Variants in PER3 observed in about 807,000 individuals in gnomAD.
The protein encoded by PER3 is period circadian protein homolog 3.
In PER3, 107 loss-of-function variants were observed where a neutral mutation model predicts 127.2. That is an observed-to-expected ratio of 0.84 (90% CI 0.72 to 0.99). The LOEUF (loss-of-function observed/expected upper bound fraction) is 0.99. PER3 is among the 50% of genes least tolerant of loss of function. The pLI, the probability that PER3 is intolerant of heterozygous loss-of-function variation, is 0.00. For synonymous variants in PER3, 618 were observed against 585.8 expected (o/e 1.05, Z -0.79); for missense variants, 1,560 against 1,525.8 (o/e 1.02, Z -0.37).
At position 7,826,857 on chromosome 1, in the gene PER3, A is replaced by T. The variant is rs112301506; in HGVS notation, c.2188+147A>T. 3.1e-3 allele frequency: 1,969 copies of T among 635,412 alleles called. 24 individuals carry two copies. In the African/African-American group the frequency reaches 0.033, roughly 11 times the overall value. 39.4% of individuals were successfully genotyped at this position (635,412 alleles called of 1,614,324 possible). A position where few individuals can be genotyped will look rare whatever the true frequency, so the allele number is the denominator to read the frequency against. On this transcript the variant is annotated intron_variant, in intron 17 of 21. Coordinates refer to ENST00000377532, the MANE Select transcript of PER3 (RefSeq NM_001377275.1). The surrounding 1 kb of genome is among the most constrained non-coding windows in gnomAD (Gnocchi z 4.2). ...GCTGAAACAATCTATTTACATCAACAGTTTATGTAAGTTCTTTGTTAGATC... is the reference window on the plus strand; with the variant it reads ...GCTGAAACAATCTATTTACATCAACTGTTTATGTAAGTTCTTTGTTAGATC...
At position 7,829,030 on chromosome 1, in the gene PER3, T is replaced by TA. The variant is rs537648798; in HGVS notation, c.2887-803dup. The stretch of plus-strand genomic sequence containing the variant: ...ATTACTTACAAAGGAACTTATTTCT[T>TA]AGAGATAGGCTGGAACGTTTTTACT... On this transcript the variant is annotated intron_variant, in intron 18 of 21. Coordinates refer to ENST00000377532, the MANE Select transcript of PER3 (RefSeq NM_001377275.1). Among the ~76,000 whole-genome samples, 21 of 152,280 alleles carry TA rather than the reference T, an allele frequency of 1.4e-4. No individual in the cohort carries two copies. In the South Asian group the frequency reaches 2.1e-3, roughly 15 times the overall value.
At position 7,835,761 on chromosome 1, in the gene PER3, G is replaced by A. The variant is rs1254613319; in HGVS notation, c.3215-1G>A. 2 of 1,596,790 alleles carry A rather than the reference G, an allele frequency of 1.3e-6. No homozygotes were observed. The highest frequency in any genetic ancestry group is 1.1e-5 in the South Asian group (1 of 89,310). On this transcript the variant is annotated splice_acceptor_variant, in intron 19 of 21. Transcript: ENST00000377532. LOFTEE classifies it high-confidence loss of function. ...AATTATGTGTTGTTGATTTTTGACA[G>A]GAAGCAGCGACAGCAGTATATACCT... is the stretch of plus-strand genomic sequence containing the variant.
chr1:7,793,540 C>G lies in PER3; in HGVS notation c.593-417C>G, dbSNP rs6577457. On this transcript the variant is annotated intron_variant, in intron 5 of 21. Coordinates refer to ENST00000377532, the MANE Select transcript of PER3 (RefSeq NM_001377275.1). ...TAAAGAAAAAAAGAAAATTATATAT[C>G]GTATAGCTAAGAAGCTGAAAATAGT... Among the ~76,000 whole-genome samples the G allele has an allele frequency of 4.4e-3, 673 of 152,238 alleles. 5 individuals are homozygous for G. The highest frequency in any genetic ancestry group is 0.015 in the African/African-American group (616 of 41,552).
Position 7,826,727 on chromosome 1 carries a change from A to G in PER3, c.2188+17A>G, listed in dbSNP as rs573549679. 7.1e-7 allele frequency: 1 copy of G among 1,409,200 alleles called. No homozygotes were observed. The highest frequency in any genetic ancestry group is 1.4e-5 in the African/African-American group (1 of 70,762). The allele number at this position is 1,409,200 out of a possible 1,614,324, so 87.3% of individuals were successfully genotyped here. ...ATTTTCAAGGTACGTAATTTTTTAA[A>G]AATAAATGCCATTAATCTATGTAAA... On this transcript the variant is annotated intron_variant, in intron 17 of 21. Coordinates refer to ENST00000377532, the MANE Select transcript of PER3 (RefSeq NM_001377275.1). This position sits in a 1 kb window ranked among gnomAD's most constrained non-coding sequence, Gnocchi z 4.2.
intron 19 of PER3, among the ~76,000 whole-genome samples, chr1:7,830,866 G>C (rs188905139): frequency 1.3e-5 from 2 of 152,314 alleles, no homozygotes; most frequent in Admixed American, 1.3e-4. Context: ...ACACTCTTAA[G>C]TAATGTAACT....
Position 7,843,985 on chromosome 1 carries a change from G to T in PER3, c.*1230G>T. ...AGAAAAAACAAATAGAAGAAAATGAGGGTTACAGTAACCTGTTGTCTTTAT... is the reference window on the plus strand; with the variant it reads ...AGAAAAAACAAATAGAAGAAAATGATGGTTACAGTAACCTGTTGTCTTTAT... On this transcript the variant is annotated 3_prime_UTR_variant, in exon 22 of 22. Transcript: ENST00000377532. 7.9e-7 allele frequency: 1 copy of T among 1,258,418 alleles called. No homozygotes were observed. The highest frequency in any genetic ancestry group is 6.2e-5 in the East Asian group (1 of 16,056). The allele number at this position is 1,258,418 out of a possible 1,614,324, so 78.0% of individuals were successfully genotyped here. A position where few individuals can be genotyped will look rare whatever the true frequency, so the allele number is the denominator to read the frequency against.
intron 6 of PER3, among the ~76,000 whole-genome samples, chr1:7,795,462 T>C (rs1485856101): frequency 3.9e-5 from 6 of 152,116 alleles, no homozygotes; most frequent in African/African-American, 1.4e-4. Context: ...CAGGAACTCT[T>C]AGGAAGTCTA....
chr1:7,792,318 G>A (rs1014109711), intron 5 of PER3, among the ~76,000 whole-genome samples: 3 of 152,036 alleles, frequency 2.0e-5, no homozygotes, highest in African/African-American at 7.2e-5. Context: ...TCACGAGAAC[G>A]GGATGACGGC....
chr1:7,827,395 C>T lies in PER3; in HGVS notation c.2466C>T (p.Tyr822=), dbSNP rs760796148. 23 of 1,614,028 alleles carry T rather than the reference C, an allele frequency of 1.4e-5. No individual in the cohort carries two copies. In the South Asian group the frequency reaches 1.8e-4, roughly 12 times the overall value. ...LPAATSPGRE[Y]AAPGTAPEGL... ...CCGCGACCTCACCCGGAAGAGAATA[C>T]GCAGCCCCCGGAACTGCACCGGAAG... The change falls in exon 18 of 22, where the codon TAC becomes TAT. Residue 822 remains tyrosine, a synonymous_variant. Coordinates refer to ENST00000377532, the MANE Select transcript of PER3 (RefSeq NM_001377275.1).
chr1:7,829,781 G>C lies in PER3; in HGVS notation c.2887-53G>C, dbSNP rs75000054. The C allele has an allele frequency of 3.7e-4, 531 of 1,433,568 alleles. 9 individuals are homozygous for C. The East Asian group carries it at 8.6e-3, about 23-fold the overall frequency. 88.8% of individuals were successfully genotyped at this position (1,433,568 alleles called of 1,614,324 possible). ...AAACCATGAATAAAGGAGGACTACT[G>C]TATTTTGTGATAAGAAGATTAAAGT... is the stretch of plus-strand genomic sequence containing the variant. On this transcript the variant is annotated intron_variant, in intron 18 of 21. Coordinates refer to ENST00000377532, the MANE Select transcript of PER3 (RefSeq NM_001377275.1).
chr1:7,831,850 T>C (rs1050249800), intron 19 of PER3, among the ~76,000 whole-genome samples: 1 of 152,248 alleles, frequency 6.6e-6, no homozygotes, highest in Non-Finnish European at 1.5e-5. Context: ...CTTTCTTTAC[T>C]TGTAATGTCT....
chr1:7,786,742 TTCTC>T lies in PER3; in HGVS notation c.297_300del (p.Leu100ValfsTer10). The T allele has an allele frequency of 6.2e-7, 1 of 1,606,406 alleles. No homozygotes were observed. Among genetic ancestry groups the T allele is most frequent in the South Asian group, 1.1e-5 (1 of 90,918 alleles). Reference sequence around the variant, plus strand: ...TTAGCAAACAGTGAGTTTTTCCAGATTCTCAGTCAGAATGGAGCACCTCAGGCAG... The same window carrying T: ...TTAGCAAACAGTGAGTTTTTCCAGATAGTCAGAATGGAGCACCTCAGGCAG... On this transcript the variant is annotated frameshift_variant, in exon 4 of 22. Coordinates refer to ENST00000377532, the MANE Select transcript of PER3 (RefSeq NM_001377275.1). LOFTEE classifies it high-confidence loss of function.
chr1:7,787,769 G>A (rs1222607409), intron 4 of PER3: 5 of 440,982 alleles, frequency 1.1e-5, no homozygotes, highest in African/African-American at 1.0e-4. Flanking sequence ...AGTTTGCAGA[G>A]AAGTTATGTG....
chr1:7,830,122 C>A lies in PER3; in HGVS notation c.3175C>A (p.Pro1059Thr). The A allele has an allele frequency of 6.2e-7, 1 of 1,614,200 alleles. No homozygotes were observed. The highest frequency in any genetic ancestry group is 8.5e-7 in the Non-Finnish European group (1 of 1,180,014). ...TATVLSTGSP[P>T]SESPSRTGSA... Reference sequence around the variant, plus strand: ...CACTGTTCTGTCCACGGGGTCACCTCCCAGCGAATCCCCATCCAGAACTGG... The same window carrying A: ...CACTGTTCTGTCCACGGGGTCACCTACCAGCGAATCCCCATCCAGAACTGG... The change falls in exon 19 of 22, where the codon CCC (proline) becomes ACC (threonine). Residue 1059 changes from proline (P) to threonine (T), a missense_variant. By Grantham distance (38) the Pro-to-Thr change is conservative. Coordinates refer to ENST00000377532, the MANE Select transcript of PER3 (RefSeq NM_001377275.1).
At position 7,826,627 on chromosome 1, in the gene PER3, TC is replaced by T; in HGVS notation, c.2107del (p.Arg703GlufsTer154). 1.2e-6 allele frequency: 2 copies of T among 1,613,706 alleles called. No homozygotes were observed. The highest frequency in any genetic ancestry group is 1.7e-6 in the Non-Finnish European group (2 of 1,179,694). On this transcript the variant is annotated frameshift_variant, in exon 17 of 22. Coordinates refer to ENST00000377532, the MANE Select transcript of PER3 (RefSeq NM_001377275.1). LOFTEE classifies it high-confidence loss of function. The surrounding 1 kb of genome is among the most constrained non-coding windows in gnomAD (Gnocchi z 4.2). ...QKEEQNYVDK[F>X]REKILSSPYS... is the part of the protein sequence containing the mutation. The stretch of plus-strand genomic sequence containing the variant: ...GAAGAGCAGAATTATGTTGATAAAT[TC>T]CGAGAAAAGATCCTGTCATCACCCT...
Position 7,825,742 on chromosome 1 carries a change from T to C in PER3, c.1958-738T>C, listed in dbSNP as rs187052344. Among the ~76,000 whole-genome samples the C allele has an allele frequency of 1.7e-4, 26 of 152,126 alleles. No homozygotes were observed. The East Asian group carries it at 4.8e-3, about 28-fold the overall frequency. On this transcript the variant is annotated intron_variant, in intron 16 of 21. Transcript: ENST00000377532. ...CCCTGTCTCTACTAAAAATACAAAA[T>C]TAGCCCAGTGTGGTGGCACATGCCT...
intron 10 of PER3, among the ~76,000 whole-genome samples, chr1:7,805,231 C>CT (rs2097187843): frequency 6.6e-6 from 1 of 152,120 alleles, no homozygotes; most frequent in Non-Finnish European, 1.5e-5. Flanking sequence ...CCTCTGATGT[C>CT]TATCTTTTTT....
intron 21 of PER3, among the ~76,000 whole-genome samples, chr1:7,842,449 G>C (rs2151349489): frequency 6.6e-6 from 1 of 151,882 alleles, no homozygotes; most frequent in East Asian, 1.9e-4. Flanking sequence ...GCAGTGAGCT[G>C]AGATCGCACC....
chr1:7,799,196 C>T (rs2097159077), intron 7 of PER3, among the ~76,000 whole-genome samples: 1 of 152,078 alleles, frequency 6.6e-6, no homozygotes, highest in African/African-American at 2.4e-5. Flanking sequence ...TGCAAATTAC[C>T]ATCCTATGCA....
Sources: gnomAD v4.1 joint callset for allele counts (sites outside exome capture counted in the v4.1 genomes callset) on GRCh38, gnomAD v4.1.1 for gene constraint, Gnocchi (gnomAD v3.1) non-coding constraint, MANE v1.5 for transcripts, NCBI Gene and HGNC (gene_info 2026-07-23, HGNC 2026-07-21) for gene names.